Variants in CCNT1 observed in about 807,000 individuals in gnomAD.
CCNT1 encodes cyclin-T1.
A neutral mutation model predicts 67.3 loss-of-function variants in CCNT1; 18 were observed. The observed-to-expected ratio is 0.27, with a 90% confidence interval of 0.18 to 0.40. The LOEUF (loss-of-function observed/expected upper bound fraction) is 0.40. CCNT1 is among the 10% of genes least tolerant of loss of function. The probability of loss-of-function intolerance (pLI) is 1.00; values close to 1 mark genes in which losing one functional copy is unlikely to be tolerated. For synonymous variants in CCNT1, 333 were observed against 310.3 expected (o/e 1.07, Z -0.77); for missense variants, 744 against 884.9 (o/e 0.84, Z 2.02).
intron 2 of CCNT1, 24 bp from the exon 3 acceptor site, chr12:48,705,920 T>A (rs765647631): frequency 3.0e-5 from 48 of 1,596,192 alleles, no homozygotes; most frequent in Non-Finnish European, 3.8e-5. Flanking sequence ...AAATAAATCA[T>A]ATTTATTATC....
At chr12:48,699,397 T>C (rs1443311360) in intron 5 of CCNT1, among the ~76,000 whole-genome samples, 1 of 152,290 alleles carries the variant, frequency 6.6e-6, no homozygotes, top group South Asian at 2.1e-4. Flanking sequence ...AAAGAAAAGT[T>C]CTGCCAAGGG....
chr12:48,713,113 A>C (rs1331757760), intron 2 of CCNT1, among the ~76,000 whole-genome samples: 1 of 152,120 alleles, frequency 6.6e-6, no homozygotes, highest in Non-Finnish European at 1.5e-5. Flanking sequence ...CACTGAAAAG[A>C]TCACTATTTA....
At chr12:48,701,940 A>G (rs1940277274) in intron 3 of CCNT1, among the ~76,000 whole-genome samples, 1 of 151,104 alleles carries the variant, frequency 6.6e-6, no homozygotes. Context: ...TCTGCTGCTC[A>G]GGCTGGAGTG....
chr12:48,707,879 G>A (rs1374958359), intron 2 of CCNT1, among the ~76,000 whole-genome samples: 9 of 151,810 alleles, frequency 5.9e-5, no homozygotes, highest in African/African-American at 2.2e-4. Context: ...CCAACATGGT[G>A]AAACCCCGTC....
chr12:48,700,982 A>T (rs536783951), intron 4 of CCNT1, 31 bp downstream of exon 4: 164 of 1,303,062 alleles, frequency 1.3e-4, no homozygotes, highest in East Asian at 6.8e-4. Flanking sequence ...TGCATAATTT[A>T]AAAAAATGTT....
intron 2 of CCNT1, among the ~76,000 whole-genome samples, chr12:48,708,245 A>T (rs1565620357): frequency 6.6e-6 from 1 of 151,682 alleles, no homozygotes; most frequent in Admixed American, 6.6e-5. Flanking sequence ...AGAAAAAAGA[A>T]TTTTAAAAAG....
chr12:48,709,881 C>A (rs192016661), intron 2 of CCNT1, among the ~76,000 whole-genome samples: 152 of 151,510 alleles, frequency 1.0e-3, no homozygotes, highest in African/African-American at 3.6e-3. Flanking sequence ...ATTATAATAT[C>A]TTTGGGTTTC....
At chr12:48,704,981 T>TGTCTCATGG (rs1940332637) in intron 3 of CCNT1, among the ~76,000 whole-genome samples, 1 of 152,182 alleles carries the variant, frequency 6.6e-6, no homozygotes, top group South Asian at 2.1e-4. Flanking sequence ...ATGTAAAAAC[T>TGTCTCATGG]GTCTCCCATG....
chr12:48,707,274 GA>G (rs1296735816), intron 2 of CCNT1, among the ~76,000 whole-genome samples: 2 of 150,764 alleles, frequency 1.3e-5, no homozygotes, highest in African/African-American at 4.9e-5. Flanking sequence ...TGGAACACTA[GA>G]TTTTTTTTCT....
rs1403356969 is a variant in CCNT1 at position 48,693,811 on chromosome 12, C to T, written c.1403G>A (p.Gly468Asp). Residue 468 changes from glycine (G) to aspartate (D), a missense_variant, in exon 9 of 9, where the codon GGT becomes GAT. Around this residue, in one of 3 missense-constraint regions of CCNT1, gnomAD observed 564 missense variants for 574.2 expected, o/e 0.98. Transcript: ENST00000261900. ...TALKMRIPVA[G>D]GDKAASSKPE... ...TTTTGAAGACGCAGCTTTATCTCCA[C>T]CTGCCACTGGGATTCTCATTTTGAG... 2.5e-6 allele frequency: 4 copies of T among 1,614,042 alleles called. No individual in the cohort carries two copies. Among genetic ancestry groups the T allele is most frequent in the Non-Finnish European group, 3.4e-6 (4 of 1,180,046 alleles).
Position 48,693,100 on chromosome 12 carries a change from G to A in CCNT1, c.2114C>T (p.Thr705Ile). 1 of 1,614,096 alleles carries A rather than the reference G, an allele frequency of 6.2e-7. No individual in the cohort carries two copies. Among genetic ancestry groups the A allele is most frequent in the Non-Finnish European group, 8.5e-7 (1 of 1,180,014 alleles). Residue 705 changes from threonine to isoleucine, a missense_variant, in exon 9 of 9, where the codon ACA becomes ATA. By Grantham distance (89) the Thr-to-Ile change is moderately conservative (BLOSUM62 -1). Around this residue, in one of 3 missense-constraint regions of CCNT1, gnomAD observed 564 missense variants for 574.2 expected, o/e 0.98. Transcript: ENST00000261900. ...CAGAGGTGGTGGCCGGGGTTTGTCT[G>A]TATTGCCAGATCTCGAGGAGATTCC... ...SGGISSRSGN[T>I]DKPRPPPLPS...
chr12:48,701,175 A>G (rs1171537500), intron 3 of CCNT1, 102 bp from the exon 4 acceptor site: 12 of 491,822 alleles, frequency 2.4e-5, no homozygotes. Context: ...AATAAAAGGC[A>G]TGAGTGGAGT....
In CCNT1 at chr12:48,693,022, TTTTTC is replaced by T; in HGVS notation, c.*6_*10del. ...TTAAAGAAGTTTTTTTCTCCTCTTC[TTTTTC>T]TTTTTTTACTTAGGAAGGGGTGGAA... On this transcript the variant is annotated 3_prime_UTR_variant, in exon 9 of 9. Coordinates refer to ENST00000261900, the MANE Select transcript of CCNT1 (RefSeq NM_001240.4). The T allele has an allele frequency of 2.0e-6, 3 of 1,509,980 alleles. No individual in the cohort carries two copies. The highest frequency in any genetic ancestry group is 1.8e-6 in the Non-Finnish European group (2 of 1,122,126). The allele number at this position is 1,509,980 out of a possible 1,614,324, so 93.5% of individuals were successfully genotyped here. A position where few individuals can be genotyped will look rare whatever the true frequency, so the allele number is the denominator to read the frequency against.
In CCNT1 at chr12:48,693,634, T is replaced by C; in HGVS notation, c.1580A>G (p.Lys527Arg). 1 of 1,614,178 alleles carries C rather than the reference T, an allele frequency of 6.2e-7. No individual in the cohort carries two copies. Among genetic ancestry groups the C allele is most frequent in the Non-Finnish European group, 8.5e-7 (1 of 1,180,034 alleles). ...HHHHHNHHSH[K>R]HSHSQLPVGT... is the part of the protein sequence containing the mutation. ...AACTGGAAGTTGGGAATGAGAGTGC[T>C]TGTGTGAGTGGTGATTATGATGATG... Residue 527 changes from lysine (K) to arginine (R), a missense_variant, in exon 9 of 9, where the codon AAG becomes AGG. Lys to Arg is a conservative substitution (Grantham distance 26). This residue lies in a region of CCNT1 where 564 missense variants were observed against 574.2 expected (regional missense o/e 0.98). Coordinates refer to ENST00000261900, the MANE Select transcript of CCNT1 (RefSeq NM_001240.4).
intron 4 of CCNT1, among the ~76,000 whole-genome samples, chr12:48,700,451 GAA>G (rs1940247945): frequency 6.6e-6 from 1 of 151,650 alleles, no homozygotes; most frequent in African/African-American, 2.4e-5. Context: ...TACAACTCAT[GAA>G]ATCTTACCCT....
chr12:48,706,444 G>C (rs1459157313), intron 2 of CCNT1, among the ~76,000 whole-genome samples: 1 of 152,100 alleles, frequency 6.6e-6, no homozygotes, highest in African/African-American at 2.4e-5. Flanking sequence ...TTCATTGTAC[G>C]TGAATTATAT....
intron 1 of CCNT1, 141 bp from the exon 2 acceptor site, chr12:48,714,665 G>T (rs952551358): frequency 9.9e-5 from 58 of 587,982 alleles, no homozygotes; most frequent in African/African-American, 9.5e-4. Flanking sequence ...CCAAATCAAA[G>T]AATATGTCTG....
rs913701329 is a variant in CCNT1 at position 48,689,638 on chromosome 12, T to C, written c.*3395A>G. 1.3e-5 allele frequency: 2 copies of C among 152,246 alleles called. No homozygotes were observed. Among genetic ancestry groups the C allele is most frequent in the Non-Finnish European group, 2.9e-5 (2 of 68,048 alleles). The allele number at this position is 152,246 out of a possible 1,614,324, so 9.4% of individuals were successfully genotyped here. A position where few individuals can be genotyped will look rare whatever the true frequency, so the allele number is the denominator to read the frequency against. On this transcript the variant is annotated 3_prime_UTR_variant, in exon 9 of 9. Coordinates refer to ENST00000261900, the MANE Select transcript of CCNT1 (RefSeq NM_001240.4). Reference sequence around the variant, plus strand: ...AAGATGTTCTAGATTCTCTCTTTTCTTAGTATCAAAATAACTCATAAACAA... The same window carrying C: ...AAGATGTTCTAGATTCTCTCTTTTCCTAGTATCAAAATAACTCATAAACAA...
Position 48,716,630 on chromosome 12 carries a change from G to T in CCNT1, c.46C>A (p.Arg16=), listed in dbSNP as rs888184488. The change falls in exon 1 of 9, where the codon CGA becomes AGA. Residue 16 remains arginine, a synonymous_variant. Coordinates refer to ENST00000261900, the MANE Select transcript of CCNT1 (RefSeq NM_001240.4). The stretch of plus-strand genomic sequence containing the variant: ...GATGGGCTATTTTCCAGCTGTTCTC[G>T]AGTGAAATACCACCGTTTGTTGTTG... ...KNNNKRWYFT[R]EQLENSPSRR... is the part of the protein sequence containing the mutation. 10 of 1,614,198 alleles carry T rather than the reference G, an allele frequency of 6.2e-6. No homozygotes were observed. Among genetic ancestry groups the T allele is most frequent in the Non-Finnish European group, 7.6e-6 (9 of 1,180,028 alleles).
Sources: allele counts gnomAD v4.1 joint callset (sites outside exome capture counted in the v4.1 genomes callset), GRCh38; gene constraint gnomAD v4.1.1; regional missense constraint gnomAD v4.1.1; transcripts MANE v1.5; gene names NCBI Gene and HGNC (gene_info 2026-07-23, HGNC 2026-07-21).